Variants in SESN1 observed in about 807,000 individuals in gnomAD.
SESN1 encodes sestrin 1, also known as sestrin-1.
Under a neutral mutation model 59.3 loss-of-function variants are expected in SESN1, and 30 were observed. That is an observed-to-expected ratio of 0.51 (90% CI 0.38 to 0.69). SESN1 has a LOEUF of 0.69. Ranked by LOEUF, SESN1 falls within the 30% of genes least tolerant of loss-of-function variation. The pLI is 0.00. For missense variants in SESN1, 566 were observed against 673.0 expected (o/e 0.84, Z 1.76); for synonymous variants, 197 against 219.9 (o/e 0.90, Z 0.92).
At chr6:109,064,571 G>GGGAGAGGAGA (rs1562472167) in intron 1 of SESN1, among the ~76,000 whole-genome samples, 3 of 88,226 alleles carry the variant, frequency 3.4e-5, no homozygotes, top group African/African-American at 1.4e-4. Flanking sequence ...AAGAGAGGAG[G>GGGAGAGGAGA]GGAGAGGAGA....
chr6:109,011,108 T>C (rs1362130309), intron 1 of SESN1, among the ~76,000 whole-genome samples: 2 of 152,212 alleles, frequency 1.3e-5, no homozygotes, highest in African/African-American at 2.4e-5. Flanking sequence ...ATCTTAGTTA[T>C]GACATTTGTA....
intron 1 of SESN1, among the ~76,000 whole-genome samples, chr6:109,076,543 C>T (rs775575376): frequency 6.6e-6 from 1 of 152,052 alleles, no homozygotes; most frequent in Non-Finnish European, 1.5e-5. Flanking sequence ...AGCTTTGACA[C>T]AAGTTATAGT....
chr6:108,992,937 G>A (rs758657480), intron 6 of SESN1, 38 bp from the exon 7 acceptor site: 2 of 1,342,950 alleles, frequency 1.5e-6, no homozygotes, highest in South Asian at 1.2e-5. Flanking sequence ...TTAAAAATAG[G>A]ATGCTAGTTA....
intron 1 of SESN1, among the ~76,000 whole-genome samples, chr6:109,082,823 C>T (rs980349707): frequency 6.6e-6 from 1 of 152,134 alleles, no homozygotes; most frequent in African/African-American, 2.4e-5. Flanking sequence ...AAGTCAATCA[C>T]GTAAAAATCA....
At chr6:109,050,293 C>T (rs963881763) in intron 1 of SESN1, among the ~76,000 whole-genome samples, 2 of 151,568 alleles carry the variant, frequency 1.3e-5, no homozygotes, top group Non-Finnish European at 2.9e-5. Context: ...TCTGCAACAG[C>T]GCCATTAAGT....
At position 108,998,496 on chromosome 6, in the gene SESN1, T is replaced by C. The variant is rs1415274504; in HGVS notation, c.972+17A>G. Reference sequence around the variant, plus strand: ...TGTGATTAGTTTTATGACAATCTCATGACAAATAATACTTACAGAAACATT... The same window carrying C: ...TGTGATTAGTTTTATGACAATCTCACGACAAATAATACTTACAGAAACATT... On this transcript the variant is annotated intron_variant, in intron 5 of 9. Coordinates refer to ENST00000436639, the MANE Select transcript of SESN1 (RefSeq NM_014454.3). 6.2e-7 allele frequency: 1 copy of C among 1,612,764 alleles called. No homozygotes were observed. The highest frequency in any genetic ancestry group is 1.1e-5 in the South Asian group (1 of 90,964).
At chr6:109,020,563 C>G (rs1228813844) in intron 1 of SESN1, among the ~76,000 whole-genome samples, 1 of 152,132 alleles carries the variant, frequency 6.6e-6, no homozygotes, top group East Asian at 1.9e-4. Flanking sequence ...GCAAACTGAA[C>G]AAATTGCACA....
At chr6:109,032,044 C>T (rs1331202199) in intron 1 of SESN1, among the ~76,000 whole-genome samples, 4 of 152,062 alleles carry the variant, frequency 2.6e-5, no homozygotes, top group South Asian at 4.1e-4. Flanking sequence ...GAATTTTCCG[C>T]GGATCACCTG....
chr6:109,085,436 G>A (rs1195318363), intron 1 of SESN1, among the ~76,000 whole-genome samples: 8 of 152,014 alleles, frequency 5.3e-5, no homozygotes, highest in Non-Finnish European at 1.2e-4. Flanking sequence ...GGAGAATGGC[G>A]TGAACCCCGG....
At chr6:109,036,042 C>CA (rs1780243146) in intron 1 of SESN1, among the ~76,000 whole-genome samples, 1 of 152,166 alleles carries the variant, frequency 6.6e-6, no homozygotes, top group South Asian at 2.1e-4. Context: ...CAAGACTCCC[C>CA]ACCATTCTTT....
intron 1 of SESN1, among the ~76,000 whole-genome samples, chr6:109,003,441 G>C (rs926531493): frequency 6.6e-6 from 1 of 152,026 alleles, no homozygotes; most frequent in African/African-American, 2.4e-5. Flanking sequence ...CCCAGCAAAT[G>C]AAAGTCTTTA....
chr6:109,084,801 A>G (rs1319994331), intron 1 of SESN1, among the ~76,000 whole-genome samples: 1 of 152,202 alleles, frequency 6.6e-6, no homozygotes, highest in African/African-American at 2.4e-5. Context: ...ACATTAGAAC[A>G]TGAGAAGACA....
chr6:109,064,519 A>T (rs1416897255), intron 1 of SESN1, among the ~76,000 whole-genome samples: 2 of 146,300 alleles, frequency 1.4e-5, no homozygotes, highest in Admixed American at 6.9e-5. Flanking sequence ...TCAATCACCA[A>T]ATCAAAACAT....
intron 1 of SESN1, among the ~76,000 whole-genome samples, chr6:109,068,736 T>C (rs1394139814): frequency 1.3e-5 from 2 of 151,736 alleles, no homozygotes; most frequent in Non-Finnish European, 2.9e-5. Flanking sequence ...TTTTTTTTTT[T>C]TGAGGCAGAG....
rs57225616 is a variant in SESN1, at chr6:109,027,476, C to CAAAAAA, written c.280-25139_280-25134dup. Among the ~76,000 whole-genome samples, 21 of 27,318 alleles carry CAAAAAA rather than the reference C, an allele frequency of 7.7e-4. 1 individual carries two copies. The highest frequency in any genetic ancestry group is 1.7e-3 in the South Asian group (1 of 580). The allele number at this position is 27,318 out of a possible 152,430, so 17.9% of individuals were successfully genotyped here. ...TGGGCGACAGAGGGAGACTCTGTCT[C>CAAAAAA]AAAAAAAAAAAAAAAAAAAAAAAAA... On this transcript the variant is annotated intron_variant, in intron 1 of 9. Transcript: ENST00000436639.
chr6:108,996,468 C>A (rs932505471), intron 5 of SESN1, among the ~76,000 whole-genome samples: 1 of 152,138 alleles, frequency 6.6e-6, no homozygotes, highest in Non-Finnish European at 1.5e-5. Flanking sequence ...TCTCTGTCAA[C>A]TCACATTATC....
chr6:109,078,857 A>G (rs1046455404), intron 1 of SESN1, among the ~76,000 whole-genome samples: 3 of 152,312 alleles, frequency 2.0e-5, no homozygotes, highest in Admixed American at 6.5e-5. Context: ...AAAAAATAAC[A>G]ACCCTGTAAT....
intron 1 of SESN1, among the ~76,000 whole-genome samples, chr6:109,060,442 T>A (rs943985724): frequency 6.6e-6 from 1 of 152,214 alleles, no homozygotes; most frequent in Non-Finnish European, 1.5e-5. Context: ...CAAGCCTTTT[T>A]TCCTTTGGGA....
chr6:109,028,611 G>C (rs1431550946), intron 1 of SESN1, among the ~76,000 whole-genome samples: 3 of 152,058 alleles, frequency 2.0e-5, no homozygotes, highest in Admixed American at 1.3e-4. Context: ...TAAACAAGAT[G>C]GTTCTACTTT....
Sources: allele counts gnomAD v4.1 joint callset (sites outside exome capture counted in the v4.1 genomes callset), GRCh38; gene constraint gnomAD v4.1.1; transcripts MANE v1.5; gene names NCBI Gene and HGNC (gene_info 2026-07-23, HGNC 2026-07-21).